The following SV2C variants were observed in gnomAD, a reference collection of about 807,000 sequenced individuals.
The protein encoded by SV2C is solute carrier family 22 member B3.
In SV2C, 49 loss-of-function variants were observed where a neutral mutation model predicts 79.7. The ratio of observed to expected loss-of-function variants is 0.61; its 90% CI spans 0.49 to 0.78. SV2C has a LOEUF of 0.78. Ranked by LOEUF, SV2C falls within the 30% of genes least tolerant of loss-of-function variation. The probability of loss-of-function intolerance (pLI) is 0.00; values close to 1 mark genes in which losing one functional copy is unlikely to be tolerated. For synonymous variants in SV2C, 334 were observed against 333.2 expected (o/e 1.00, Z -0.03); for missense variants, 833 against 912.9 (o/e 0.91, Z 1.13).
chr5:76,003,405 G>A, the SV2C span, among the ~76,000 whole-genome samples: 2 of 152,188 alleles, frequency 1.3e-5, no homozygotes, highest in African/African-American at 2.4e-5. Flanking sequence ...TGGGTGATAT[G>A]AGTAAGATCC....
At position 76,325,527 on chromosome 5, in the gene SV2C, C is replaced by T; in HGVS notation, c.2164C>T (p.Arg722Ter). Residue 722 changes from arginine to a stop codon, truncating the protein, a stop_gained, in exon 13 of 13, where the codon CGA (arginine) becomes TGA (stop). Transcript: ENST00000502798. LOFTEE classifies it high-confidence loss of function. ...CGTTGGGCTGTGCCTGCCTGACACA[C>T]GAACCCAGGTTCTGATGTAATGGGA... ...GLVGLCLPDT[R>*]TQVLM 5 of 1,614,038 alleles carry T rather than the reference C, an allele frequency of 3.1e-6. No individual in the cohort carries two copies. The highest frequency in any genetic ancestry group is 2.2e-5 in the East Asian group (1 of 44,878).
intron 12 of SV2C, among the ~76,000 whole-genome samples, chr5:76,315,393 T>C (rs907292568): frequency 6.6e-6 from 1 of 152,196 alleles, no homozygotes; most frequent in East Asian, 1.9e-4. Flanking sequence ...TTAAAATGTC[T>C]ATTACAAAAA....
At chr5:75,875,869 A>C in the SV2C span, among the ~76,000 whole-genome samples, 3 of 152,212 alleles carry the variant, frequency 2.0e-5, no homozygotes, top group African/African-American at 7.2e-5. Flanking sequence ...TAAAAACCAC[A>C]GTGAGATACC....
chr5:76,302,760 G>A (rs1369624213), intron 12 of SV2C, among the ~76,000 whole-genome samples: 1 of 151,836 alleles, frequency 6.6e-6, no homozygotes, highest in Non-Finnish European at 1.5e-5. Flanking sequence ...AAGAAGCTCT[G>A]CTTTACCATT....
At chr5:76,249,817 C>T (rs1309382472) in intron 4 of SV2C, among the ~76,000 whole-genome samples, 1 of 152,008 alleles carries the variant, frequency 6.6e-6, no homozygotes, top group African/African-American at 2.4e-5. Flanking sequence ...CAGCACTGAG[C>T]GAGACCCAAT....
intron 2 of SV2C, among the ~76,000 whole-genome samples, chr5:76,160,569 T>C (rs559374615): frequency 6.6e-6 from 1 of 152,324 alleles, no homozygotes; most frequent in Admixed American, 6.5e-5. Flanking sequence ...TGAAACCTTG[T>C]GTGCTTCAAA....
At chr5:76,059,020 GT>G in the SV2C span, among the ~76,000 whole-genome samples, 1 of 152,162 alleles carries the variant, frequency 6.6e-6, no homozygotes, top group South Asian at 2.1e-4. Context: ...GCATATAAAA[GT>G]TATGTTTATA....
At chr5:76,269,717 C>T (rs1430526256) in intron 4 of SV2C, among the ~76,000 whole-genome samples, 1 of 152,172 alleles carries the variant, frequency 6.6e-6, no homozygotes, top group Non-Finnish European at 1.5e-5. Context: ...TTTACATCCA[C>T]CTCTGCCAGA....
At chr5:76,245,150 ATATATT>A (rs1745905891) in intron 4 of SV2C, among the ~76,000 whole-genome samples, 1 of 152,058 alleles carries the variant, frequency 6.6e-6, no homozygotes, top group South Asian at 2.1e-4. Flanking sequence ...ATTGCTCTCT[ATATATT>A]TATATTTGCA....
chr5:76,016,459 AC>A, the SV2C span, among the ~76,000 whole-genome samples: 1 of 152,086 alleles, frequency 6.6e-6, no homozygotes, highest in Non-Finnish European at 1.5e-5. Flanking sequence ...GTCTCTCACC[AC>A]AAGGGGGAGA....
chr5:76,281,260 T>C, intron 4 of SV2C: 2 of 512,248 alleles, frequency 3.9e-6, no homozygotes, highest in East Asian at 1.1e-4. Flanking sequence ...CTGATGAAGA[T>C]GACGATTATT....
At chr5:76,239,853 C>T (rs1303305120) in intron 4 of SV2C, among the ~76,000 whole-genome samples, 2 of 152,184 alleles carry the variant, frequency 1.3e-5, no homozygotes, top group South Asian at 2.1e-4. Context: ...GTATGAATCC[C>T]AGGTGATGTG....
At chr5:76,116,049 C>T (rs1011757732) in intron 1 of SV2C, among the ~76,000 whole-genome samples, 1 of 152,242 alleles carries the variant, frequency 6.6e-6, no homozygotes, top group Non-Finnish European at 1.5e-5. Context: ...GCCACTCTTC[C>T]TAGAAGAGCA....
the SV2C span, among the ~76,000 whole-genome samples, chr5:75,869,690 A>G: frequency 6.6e-6 from 1 of 152,078 alleles, no homozygotes. Context: ...TTGTTACAGT[A>G]GGCCTTGGGT....
the SV2C span, among the ~76,000 whole-genome samples, chr5:75,881,638 C>A: frequency 1.3e-5 from 2 of 152,040 alleles, no homozygotes; most frequent in African/African-American, 4.8e-5. Flanking sequence ...GATTTTCGTA[C>A]GTTGATTTTG....
chr5:76,125,233 C>T (rs1248139840), intron 1 of SV2C, among the ~76,000 whole-genome samples: 1 of 152,066 alleles, frequency 6.6e-6, no homozygotes, highest in Non-Finnish European at 1.5e-5. Context: ...TATAGCAAGT[C>T]TGTTTAAAAA....
At chr5:76,115,605 T>C (rs961411568) in intron 1 of SV2C, among the ~76,000 whole-genome samples, 3 of 152,230 alleles carry the variant, frequency 2.0e-5, no homozygotes, top group African/African-American at 7.2e-5. Context: ...CATTATAAGG[T>C]GATCGTAGTC....
intron 1 of SV2C, among the ~76,000 whole-genome samples, chr5:76,086,443 A>G (rs777393302): frequency 6.6e-6 from 1 of 152,244 alleles, no homozygotes; most frequent in Non-Finnish European, 1.5e-5. Flanking sequence ...TTCTGTGAGT[A>G]GTGAAAGCAA....
the SV2C span, among the ~76,000 whole-genome samples, chr5:75,982,347 A>G: frequency 6.6e-6 from 1 of 152,242 alleles, no homozygotes. Flanking sequence ...CACATGGCCA[A>G]CAATCATATA....
Sources: gnomAD v4.1 joint callset for allele counts (sites outside exome capture counted in the v4.1 genomes callset) on GRCh38, gnomAD v4.1.1 for gene constraint, MANE v1.5 for transcripts, NCBI Gene and HGNC (gene_info 2026-07-23, HGNC 2026-07-21) for gene names.